The following USP32 variants were observed in gnomAD, a reference collection of about 807,000 sequenced individuals.
USP32 encodes the protein ubiquitin carboxyl-terminal hydrolase 32.
In USP32, 59 loss-of-function variants were observed where a neutral mutation model predicts 204.8. That is an observed-to-expected ratio of 0.29 (90% CI 0.23 to 0.36). USP32 has a LOEUF of 0.36. Among genes scored for constraint, USP32 ranks in the 10% least tolerant of loss-of-function variants. The pLI is 1.00. For missense variants in USP32, 1,160 were observed against 1,946.4 expected (o/e 0.60, Z 7.60); for synonymous variants, 517 against 678.4 (o/e 0.76, Z 3.70).
intron 11 of USP32, chr17:60,245,180 T>C (rs1327390930): frequency 5.2e-6 from 1 of 191,390 alleles, no homozygotes; most frequent in African/African-American, 2.4e-5. Flanking sequence ...GGTATATTTA[T>C]ACTGTCTTTT....
intron 10 of USP32, among the ~76,000 whole-genome samples, chr17:60,254,457 T>C (rs1417400480): frequency 6.6e-6 from 1 of 152,178 alleles, no homozygotes; most frequent in Non-Finnish European, 1.5e-5. Flanking sequence ...TTGCAGCACT[T>C]TGGGAGGCTG....
chr17:60,334,861 A>G (rs1221244173), intron 2 of USP32, among the ~76,000 whole-genome samples: 1 of 143,064 alleles, frequency 7.0e-6, no homozygotes, highest in Non-Finnish European at 1.5e-5. Context: ...GGGTTTCACC[A>G]TGTTGGTCAG....
rs570372925 is a variant in USP32 at position 60,316,229 on chromosome 17, T to C, written c.187-14525A>G. On this transcript the variant is annotated intron_variant, in intron 2 of 33. Transcript: ENST00000300896. ...GGAGCACATGCTTAAGAATATGCTA[T>C]GATGAGTAACATTTCATTCTCAAAA... 4 of 183,866 alleles carry C rather than the reference T, an allele frequency of 2.2e-5. No homozygotes were observed. In the South Asian group the frequency reaches 4.4e-4, roughly 20 times the overall value. 11.4% of individuals were successfully genotyped at this position (183,866 alleles called of 1,614,324 possible).
At chr17:60,327,303 G>A (rs1003753177) in intron 2 of USP32, among the ~76,000 whole-genome samples, 3 of 152,158 alleles carry the variant, frequency 2.0e-5, no homozygotes, top group African/African-American at 7.2e-5. Context: ...GGGAGACACA[G>A]GCAGTGGTGG....
At chr17:60,276,937 T>TTACATA (rs1485650509) in intron 5 of USP32, among the ~76,000 whole-genome samples, 1 of 131,934 alleles carries the variant, frequency 7.6e-6, no homozygotes, top group Non-Finnish European at 1.5e-5. Context: ...CTAAAGTAGA[T>TTACATA]TACATATACA....
intron 11 of USP32, among the ~76,000 whole-genome samples, chr17:60,240,615 A>G (rs2085852448): frequency 6.6e-6 from 1 of 152,034 alleles, no homozygotes; most frequent in Non-Finnish European, 1.5e-5. Context: ...AGCCTTCACT[A>G]CCTGTACCCT....
At chr17:60,228,030 CTT>C (rs879358865) in intron 12 of USP32, among the ~76,000 whole-genome samples, 4 of 143,262 alleles carry the variant, frequency 2.8e-5, no homozygotes, top group Admixed American at 7.0e-5. Context: ...AGTCAAAATT[CTT>C]TTTTTTTTTT....
intron 5 of USP32, among the ~76,000 whole-genome samples, chr17:60,279,851 A>C (rs2086925793): frequency 6.8e-6 from 1 of 146,416 alleles, no homozygotes; most frequent in African/African-American, 2.5e-5. Flanking sequence ...AATAATAATA[A>C]TTAATAATAA....
chr17:60,294,141 A>G (rs1413580622), intron 4 of USP32, among the ~76,000 whole-genome samples: 5 of 152,154 alleles, frequency 3.3e-5, no homozygotes, highest in Non-Finnish European at 7.4e-5. Context: ...CCTGGGCTCA[A>G]GAGATCTTCT....
At chr17:60,215,665 T>G (rs1259215475) in intron 16 of USP32, among the ~76,000 whole-genome samples, 1 of 152,130 alleles carries the variant, frequency 6.6e-6, no homozygotes, top group African/African-American at 2.4e-5. Context: ...CCAGAAAACA[T>G]ATGTATATCT....
At chr17:60,288,062 C>T (rs2087164562) in intron 5 of USP32, among the ~76,000 whole-genome samples, 3 of 131,602 alleles carry the variant, frequency 2.3e-5, no homozygotes, top group Admixed American at 8.9e-5. Context: ...TGCAGTGAGC[C>T]GAGATCACAC....
At chr17:60,343,667 T>G (rs963265443) in intron 2 of USP32, among the ~76,000 whole-genome samples, 2 of 152,138 alleles carry the variant, frequency 1.3e-5, no homozygotes, top group Non-Finnish European at 2.9e-5. Flanking sequence ...TAGAGGGAAA[T>G]TTATAGCACT....
At chr17:60,274,472 T>A (rs537574196) in intron 5 of USP32, among the ~76,000 whole-genome samples, 1 of 151,992 alleles carries the variant, frequency 6.6e-6, no homozygotes, top group South Asian at 2.1e-4. Flanking sequence ...CTCAAAACCC[T>A]AACAAGGCAA....
At chr17:60,236,466 G>A (rs2085728579) in intron 11 of USP32, among the ~76,000 whole-genome samples, 1 of 151,646 alleles carries the variant, frequency 6.6e-6, no homozygotes, top group African/African-American at 2.4e-5. Context: ...AAGATTCTGG[G>A]AAAAACTTAA....
intron 3 of USP32, 141 bp downstream of exon 3, chr17:60,301,458 C>A: frequency 3.8e-6 from 2 of 523,826 alleles, no homozygotes; most frequent in Non-Finnish European, 3.3e-6. Context: ...AATTATGTTG[C>A]ACATTTTTTA....
At chr17:60,190,162 G>C (rs2084341816) in intron 29 of USP32, among the ~76,000 whole-genome samples, 1 of 152,114 alleles carries the variant, frequency 6.6e-6, no homozygotes, top group Non-Finnish European at 1.5e-5. Context: ...CCTCCTGTTT[G>C]GTCCTCCCTC....
intron 11 of USP32, chr17:60,249,471 C>T (rs1043511342): frequency 3.4e-5 from 15 of 440,238 alleles, no homozygotes; most frequent in African/African-American, 3.1e-4. Context: ...TGCTGCTTCC[C>T]CTAACCAGTA....
chr17:60,301,325 A>T, intron 3 of USP32: 1 of 235,276 alleles, frequency 4.3e-6, no homozygotes. Context: ...GCAATGTATG[A>T]TGTGGGTTAC....
chr17:60,314,532 A>G (rs115756040), intron 2 of USP32, among the ~76,000 whole-genome samples: 223 of 151,864 alleles, frequency 1.5e-3, no homozygotes, highest in African/African-American at 5.2e-3. Context: ...AATCTGAAGT[A>G]CGGTGAAGAA....
Sources: gnomAD v4.1 joint callset for allele counts (sites outside exome capture counted in the v4.1 genomes callset) on GRCh38, gnomAD v4.1.1 for gene constraint, MANE v1.5 for transcripts, NCBI Gene and HGNC (gene_info 2026-07-23, HGNC 2026-07-21) for gene names.